RASSF5: variants seen among roughly 807,000 people sequenced by gnomAD.
RASSF5 encodes the protein Ras association domain family member 5, also known as ras association domain-containing protein 5.
RASSF5 carries 25 observed loss-of-function variants against 40.5 expected under a neutral mutation model. That is an observed-to-expected ratio of 0.62 (90% CI 0.45 to 0.86). The LOEUF (loss-of-function observed/expected upper bound fraction) is 0.86. Ranked by LOEUF, RASSF5 falls within the 40% of genes least tolerant of loss-of-function variation. RASSF5 has a pLI of 0.00. For missense variants in RASSF5, 521 were observed against 572.8 expected (o/e 0.91, Z 0.92); for synonymous variants, 246 against 252.4 (o/e 0.97, Z 0.24).
At chr1:206,573,427 G>GA (rs1668522474) in intron 2 of RASSF5, among the ~76,000 whole-genome samples, 1 of 152,210 alleles carries the variant, frequency 6.6e-6, no homozygotes, top group Admixed American at 6.5e-5. Flanking sequence ...TCTCTGCTAT[G>GA]TGTCAAGCTG....
chr1:206,565,874 C>T (rs782545879), intron 2 of RASSF5, among the ~76,000 whole-genome samples: 4 of 152,190 alleles, frequency 2.6e-5, no homozygotes, highest in Admixed American at 6.5e-5. Flanking sequence ...CTCTGAAAAG[C>T]AGAGCCTCCT....
intron 2 of RASSF5, among the ~76,000 whole-genome samples, chr1:206,581,765 T>C (rs1409637307): frequency 2.6e-5 from 4 of 152,088 alleles, no homozygotes; most frequent in Admixed American, 2.6e-4. Context: ...GAGCCTGACA[T>C]TGCATCGGTT....
At chr1:206,555,320 C>T (rs1306954468) in intron 2 of RASSF5, among the ~76,000 whole-genome samples, 3 of 151,634 alleles carry the variant, frequency 2.0e-5, no homozygotes, top group South Asian at 2.1e-4. Context: ...CAGAGCTTCC[C>T]GGCATGAATC....
At chr1:206,546,674 A>C (rs917971429) in intron 2 of RASSF5, among the ~76,000 whole-genome samples, 19 of 152,226 alleles carry the variant, frequency 1.2e-4, no homozygotes, top group African/African-American at 4.1e-4. Context: ...CATTTAATAC[A>C]CCTAACCTAC....
At position 206,537,159 on chromosome 1, in the gene RASSF5, G is replaced by A. The variant is rs537430252; in HGVS notation, c.458-1013G>A. Among the ~76,000 whole-genome samples, 3 of 152,282 alleles carry A rather than the reference G, an allele frequency of 2.0e-5. No individual in the cohort carries two copies. In the South Asian group the frequency reaches 6.2e-4, roughly 32 times the overall value. On this transcript the variant is annotated intron_variant, in intron 1 of 5. Transcript: ENST00000579436. ...TAGCAGCCTTGGTGCTGCCACCAAT[G>A]AGCTGTGTGTCATTGGGCACCTCAC...
chr1:206,557,728 G>C lies in RASSF5; in HGVS notation c.579+19435G>C, dbSNP rs201144366. 7.1e-4 allele frequency: 1,133 copies of C among 1,606,810 alleles called. 1 individual carries two copies. Among genetic ancestry groups the C allele is most frequent in the Non-Finnish European group, 7.8e-4 (919 of 1,173,966 alleles). On this transcript the variant is annotated intron_variant, in intron 2 of 5. Transcript: ENST00000579436. ...ATAATGGAATGCAGGAGCCTTTCGT[G>C]GGGGGAAATAACCTCTGTGGTCAAT... is the stretch of plus-strand genomic sequence containing the variant.
intron 2 of RASSF5, among the ~76,000 whole-genome samples, chr1:206,574,053 C>T (rs766566485): frequency 2.0e-5 from 3 of 152,200 alleles, no homozygotes; most frequent in Admixed American, 1.3e-4. Context: ...TGACTACTGT[C>T]GGTTTTTAAT....
At chr1:206,548,927 G>A (rs908026121) in intron 2 of RASSF5, among the ~76,000 whole-genome samples, 1 of 151,988 alleles carries the variant, frequency 6.6e-6, no homozygotes, top group Admixed American at 6.6e-5. Context: ...GTGCAATGGC[G>A]CGTTCTCGGC....
intron 2 of RASSF5, among the ~76,000 whole-genome samples, chr1:206,555,687 A>G (rs781923255): frequency 1.1e-4 from 17 of 152,194 alleles, no homozygotes; most frequent in Non-Finnish European, 2.1e-4. Context: ...AGCTACTGGT[A>G]TTGACAGTTC....
chr1:206,509,831 A>C (rs782750395), intron 1 of RASSF5, among the ~76,000 whole-genome samples: 3 of 151,992 alleles, frequency 2.0e-5, no homozygotes, highest in Non-Finnish European at 4.4e-5. Context: ...TCACATCAGA[A>C]TTGTCGATCT....
In RASSF5 at chr1:206,544,664, G is replaced by GCCAGCATTT. The variant is rs797034849; in HGVS notation, c.579+6373_579+6381dup. 11 of 152,626 alleles carry GCCAGCATTT rather than the reference G, an allele frequency of 7.2e-5. 1 individual carries two copies. The highest frequency in any genetic ancestry group is 2.6e-4 in the African/African-American group (11 of 41,530). 9.5% of individuals were successfully genotyped at this position (152,626 alleles called of 1,614,324 possible). On this transcript the variant is annotated intron_variant, in intron 2 of 5. Transcript: ENST00000579436. Reference sequence around the variant, plus strand: ...GGTTCCAGGATAGATCAGCCGGCCAGCCAGCATTTCAGCCTTGCAGGTCCC... The same window carrying GCCAGCATTT: ...GGTTCCAGGATAGATCAGCCGGCCAGCCAGCATTTCCAGCATTTCAGCCTTGCAGGTCCC...
At position 206,508,039 on chromosome 1, in the gene RASSF5, G is replaced by A. The variant is rs1372380106; in HGVS notation, c.437G>A (p.Arg146Gln). 1.4e-6 allele frequency: 2 copies of A among 1,415,988 alleles called. No individual in the cohort carries two copies. The highest frequency in any genetic ancestry group is 1.5e-5 in the African/African-American group (1 of 67,888). The allele number at this position is 1,415,988 out of a possible 1,614,324, so 87.7% of individuals were successfully genotyped here. A position where few individuals can be genotyped will look rare whatever the true frequency, so the allele number is the denominator to read the frequency against. Residue 146 changes from arginine to glutamine, a missense_variant, in exon 1 of 6, where the codon CGG becomes CAG. Transcript: ENST00000579436. ...GACCTGTGCGGACGAGAGGTGCTGC[G>A]GCAGGCGCTGCGCTGCACTAGTAAG... is the stretch of plus-strand genomic sequence containing the variant. ...WCDLCGREVL[R>Q]QALRCTNCKF... is the part of the protein sequence containing the mutation.
chr1:206,549,394 A>G (rs990266494), intron 2 of RASSF5, among the ~76,000 whole-genome samples: 1 of 152,140 alleles, frequency 6.6e-6, no homozygotes, highest in Non-Finnish European at 1.5e-5. Flanking sequence ...TGGGCTCCTC[A>G]CAGCCTATCC....
In RASSF5 at chr1:206,507,873, C is replaced by T; in HGVS notation, c.271C>T (p.Leu91=). Residue 91 remains leucine (L), a synonymous_variant, in exon 1 of 6, where the codon CTG becomes TTG. Transcript: ENST00000579436. ...RPLRPGLQQR[L]RRRPGAPRPR... ...GCTCCGGCCTGGTCTGCAGCAGAGA[C>T]TGCGGCGGCGGCCTGGAGCGCCCCG... The T allele has an allele frequency of 1.3e-6, 2 of 1,493,310 alleles. No individual in the cohort carries two copies. Among genetic ancestry groups the T allele is most frequent in the Non-Finnish European group, 1.8e-6 (2 of 1,128,292 alleles). 92.5% of individuals were successfully genotyped at this position (1,493,310 alleles called of 1,614,324 possible).
intron 5 of RASSF5, chr1:206,586,486 T>G (rs1669115169): frequency 4.3e-6 from 1 of 229,934 alleles, no homozygotes; most frequent in Non-Finnish European, 8.6e-6. Context: ...CTCCACCTGC[T>G]TTCTGAGGGT....
At chr1:206,524,317 C>CCATATGTAATACATTTTAT (rs1667026823) in intron 1 of RASSF5, among the ~76,000 whole-genome samples, 13 of 89,906 alleles carry the variant, frequency 1.4e-4, no homozygotes, top group African/African-American at 3.6e-4. Flanking sequence ...ATACATTTTA[C>CCATATGTAATACATTTTAT]ATATATTATA....
Position 206,584,611 on chromosome 1 carries a change from G to C in RASSF5, c.915G>C (p.Leu305=), listed in dbSNP as rs1669030484. 1 of 1,614,232 alleles carries C rather than the reference G, an allele frequency of 6.2e-7. No homozygotes were observed. Among genetic ancestry groups the C allele is most frequent in the African/African-American group, 1.3e-5 (1 of 75,050 alleles). ...CCGTCAGTGAGGTCATCCAGGGGCT[G>C]CTCAAGAAGTTCATGGTTGTGGACA... ...TTTVSEVIQG[L]LKKFMVVDNP... is the part of the protein sequence containing the mutation. The change falls in exon 4 of 6, where the codon CTG becomes CTC. Residue 305 remains leucine, a synonymous_variant. Coordinates refer to ENST00000579436, the MANE Select transcript of RASSF5 (RefSeq NM_182663.4). The surrounding 1 kb of genome is among the most constrained non-coding windows in gnomAD (Gnocchi z 4.9).
At position 206,584,569 on chromosome 1, in the gene RASSF5, C is replaced by T. The variant is rs1382654916; in HGVS notation, c.873C>T (p.His291=). The change falls in exon 4 of 6, where the codon CAC becomes CAT. Residue 291 remains histidine (H), a synonymous_variant. Coordinates refer to ENST00000579436, the MANE Select transcript of RASSF5 (RefSeq NM_182663.4). The surrounding 1 kb of genome is among the most constrained non-coding windows in gnomAD (Gnocchi z 4.9). ...YLPLDAIKQL[H]ISSTTTVSEV... is the part of the protein sequence containing the mutation. ...CCCTAGATGCCATCAAGCAGCTGCA[C>T]ATCAGCAGCACCACCACCGTCAGTG... 3.1e-6 allele frequency: 5 copies of T among 1,614,096 alleles called. No individual in the cohort carries two copies. The highest frequency in any genetic ancestry group is 3.4e-6 in the Non-Finnish European group (4 of 1,180,038).
chr1:206,550,534 T>C (rs1212604815), intron 2 of RASSF5, among the ~76,000 whole-genome samples: 2 of 152,228 alleles, frequency 1.3e-5, no homozygotes. Context: ...CTCCCACTTA[T>C]TATGACACTA....
Sources: allele counts gnomAD v4.1 joint callset (sites outside exome capture counted in the v4.1 genomes callset), GRCh38; gene constraint gnomAD v4.1.1; non-coding constraint Gnocchi (gnomAD v3.1); transcripts MANE v1.5; gene names NCBI Gene and HGNC (gene_info 2026-07-23, HGNC 2026-07-21).